SAMMSON: variants seen among roughly 807,000 people sequenced by gnomAD.
The protein encoded by SAMMSON is long intergenic non-protein coding RNA 1212.
At chr3:70,011,548 A>G (rs1247853740) in intron 1 of SAMMSON, among the ~76,000 whole-genome samples, 1 of 151,888 alleles carries the variant, frequency 6.6e-6, no homozygotes, top group East Asian at 1.9e-4. Context: ...TTAGTTGAAG[A>G]TTTAAGAGAG....
At chr3:70,378,007 T>C (rs888252602) in intron 9 of SAMMSON, among the ~76,000 whole-genome samples, 2 of 152,008 alleles carry the variant, frequency 1.3e-5, no homozygotes, top group African/African-American at 4.8e-5. Flanking sequence ...TTTATTGGTA[T>C]ACACGTTAAA....
chr3:70,087,610 T>C (rs1453614076), intron 4 of SAMMSON, among the ~76,000 whole-genome samples: 3 of 152,184 alleles, frequency 2.0e-5, no homozygotes, highest in Non-Finnish European at 2.9e-5. Context: ...AGTTATTTTC[T>C]GACTCAGTAG....
intron 4 of SAMMSON, among the ~76,000 whole-genome samples, chr3:70,186,797 C>G (rs1172257149): frequency 6.6e-6 from 1 of 152,164 alleles, no homozygotes; most frequent in Non-Finnish European, 1.5e-5. Flanking sequence ...GCATTTGTCT[C>G]TTGCCATTCT....
chr3:70,344,066 G>A (rs898324058), intron 7 of SAMMSON, among the ~76,000 whole-genome samples: 1 of 151,986 alleles, frequency 6.6e-6, no homozygotes, highest in Non-Finnish European at 1.5e-5. Context: ...TAGCACTAAT[G>A]ATATGGACAG....
In SAMMSON at chr3:70,296,237, T is replaced by C. The variant is rs183259999; in HGVS notation, n.739+4994T>C. Among the ~76,000 whole-genome samples, 976 of 152,208 alleles carry C rather than the reference T, an allele frequency of 6.4e-3. 5 individuals are homozygous for C. Among genetic ancestry groups the C allele is most frequent in the Non-Finnish European group, 0.01 (692 of 67,992 alleles). On this transcript the variant is annotated intron_variant and non_coding_transcript_variant, in intron 7 of 9. Coordinates refer to ENST00000642114, the Ensembl canonical transcript of SAMMSON. ...CTTTTTCCATGAGCCCCCAAATAAG[T>C]TGTAGTTTGAAACATGAGATGCAGT...
intron 6 of SAMMSON, among the ~76,000 whole-genome samples, chr3:70,265,132 G>A (rs1701904238): frequency 6.6e-6 from 1 of 152,162 alleles, no homozygotes; most frequent in Non-Finnish European, 1.5e-5. Context: ...TGACATGTGG[G>A]AATTATGGGA....
intron 6 of SAMMSON, among the ~76,000 whole-genome samples, chr3:70,267,569 A>ATTTTTGT (rs1559549233): frequency 3.3e-5 from 1 of 30,726 alleles, no homozygotes; most frequent in Non-Finnish European, 8.1e-5. Context: ...TGCCCGGCTA[A>ATTTTTGT]TTTTTTGTAT....
rs1415483306 is a variant in SAMMSON at position 70,340,452 on chromosome 3, G to C, written n.740-13723G>C. Reference sequence around the variant, plus strand: ...TGCTTGAAATGTTGGCCTTTGGCTGGAATATGGGAACTTGGATTTTTGGAA... The same window carrying C: ...TGCTTGAAATGTTGGCCTTTGGCTGCAATATGGGAACTTGGATTTTTGGAA... On this transcript the variant is annotated intron_variant and non_coding_transcript_variant, in intron 7 of 9. Coordinates refer to ENST00000642114, the Ensembl canonical transcript of SAMMSON. 2.0e-5 allele frequency among the ~76,000 whole-genome samples: 3 copies of C among 152,010 alleles called. No homozygotes were observed. In the East Asian group the frequency reaches 5.8e-4, roughly 29 times the overall value.
intron 1 of SAMMSON, among the ~76,000 whole-genome samples, chr3:70,005,027 T>C (rs1403454992): frequency 6.6e-6 from 1 of 152,244 alleles, no homozygotes; most frequent in Non-Finnish European, 1.5e-5. Flanking sequence ...GAACTCTGAA[T>C]GCTAGACCAA....
At chr3:70,107,354 GAGAAAATATATGAAGTAGGAA>G (rs2067370831) in intron 4 of SAMMSON, among the ~76,000 whole-genome samples, 1 of 152,050 alleles carries the variant, frequency 6.6e-6, no homozygotes, top group Non-Finnish European at 1.5e-5. Flanking sequence ...GGGAAGGTTT[GAGAAAATATATGAAGTAGGAA>G]AACTAGCTTA....
intron 7 of SAMMSON, among the ~76,000 whole-genome samples, chr3:70,307,928 C>G (rs982559083): frequency 3.9e-5 from 6 of 152,216 alleles, no homozygotes; most frequent in African/African-American, 1.2e-4. Context: ...GCCTCTGATG[C>G]CTTTGCTCCC....
At chr3:70,040,187 G>A (rs1016640942) in intron 3 of SAMMSON, among the ~76,000 whole-genome samples, 5 of 152,116 alleles carry the variant, frequency 3.3e-5, no homozygotes, top group African/African-American at 1.2e-4. Context: ...TGAAAGATGT[G>A]TTGTGAAGAT....
intron 6 of SAMMSON, among the ~76,000 whole-genome samples, chr3:70,265,783 T>A (rs1701911470): frequency 2.0e-5 from 3 of 152,158 alleles, no homozygotes; most frequent in Admixed American, 2.0e-4. Context: ...AAACTTATAA[T>A]CATGATGGGA....
chr3:70,031,849 T>C (rs1352018021), intron 3 of SAMMSON, among the ~76,000 whole-genome samples: 1 of 152,080 alleles, frequency 6.6e-6, no homozygotes, highest in Non-Finnish European at 1.5e-5. Flanking sequence ...TAAGAATAAA[T>C]ACAGCCATCA....
At chr3:70,312,230 T>G (rs1001376572) in intron 7 of SAMMSON, among the ~76,000 whole-genome samples, 1 of 152,184 alleles carries the variant, frequency 6.6e-6, no homozygotes, top group Non-Finnish European at 1.5e-5. Context: ...AATTTCTCAA[T>G]GTGAAAGAAT....
chr3:70,112,465 A>G (rs944736819), intron 4 of SAMMSON, among the ~76,000 whole-genome samples: 1 of 152,144 alleles, frequency 6.6e-6, no homozygotes, highest in Non-Finnish European at 1.5e-5. Flanking sequence ...AGAGTGGGAC[A>G]GAAGAAGCAA....
chr3:70,353,233 A>G (rs1281763455), intron 7 of SAMMSON, among the ~76,000 whole-genome samples: 4 of 152,056 alleles, frequency 2.6e-5, no homozygotes, highest in African/African-American at 7.2e-5. Flanking sequence ...TCTCTGTAAA[A>G]TAATAAAACT....
At chr3:70,191,543 G>A (rs1161834548) in intron 4 of SAMMSON, among the ~76,000 whole-genome samples, 1 of 152,164 alleles carries the variant, frequency 6.6e-6, no homozygotes, top group African/African-American at 2.4e-5. Context: ...GGATTAAATT[G>A]CAATACATTG....
Position 70,153,982 on chromosome 3 carries a change from A to G in SAMMSON, n.507+82417A>G, listed in dbSNP as rs1243804743. 2.0e-5 allele frequency among the ~76,000 whole-genome samples: 3 copies of G among 151,974 alleles called. No individual in the cohort carries two copies. The South Asian group carries it at 6.3e-4, about 32-fold the overall frequency. ...TGTCCTTTCGTGTCTGACTTATTTC[A>G]CTTAGCATAATGTCTTGAAGTTTCA... On this transcript the variant is annotated intron_variant and non_coding_transcript_variant, in intron 4 of 9. Coordinates refer to ENST00000642114, the Ensembl canonical transcript of SAMMSON.
Sources: gnomAD v4.1 joint callset for allele counts (sites outside exome capture counted in the v4.1 genomes callset) on GRCh38, gnomAD v4.1.1 for gene constraint, MANE v1.5 for transcripts, NCBI Gene and HGNC (gene_info 2026-07-23, HGNC 2026-07-21) for gene names.